The following SP140L variants were observed in gnomAD, a reference collection of about 807,000 sequenced individuals.
The protein encoded by SP140L is nuclear body protein SP140-like protein.
A neutral mutation model predicts 84.3 loss-of-function variants in SP140L; 64 were observed. The observed-to-expected ratio is 0.76, with a 90% CI of 0.62 to 0.94. The LOEUF (loss-of-function observed/expected upper bound fraction) is 0.94. SP140L is among the 40% of genes least tolerant of loss of function. The probability of loss-of-function intolerance (pLI) is 0.00; values close to 1 mark genes in which losing one functional copy is unlikely to be tolerated. For missense variants in SP140L, 628 were observed against 692.5 expected (o/e 0.91, Z 1.05); for synonymous variants, 242 against 236.9 (o/e 1.02, Z -0.20).
intron 7 of SP140L, among the ~76,000 whole-genome samples, chr2:230,376,778 A>C (rs1820551): frequency 0.23 from 34,997 of 152,184 alleles, 4,272 homozygotes; most frequent in Non-Finnish European, 0.28. Flanking sequence ...ATCTTGAAAA[A>C]AAGGAACAAA....
intron 4 of SP140L, 64 bp downstream of exon 4, chr2:230,359,196 T>A (rs1318531070): frequency 5.6e-6 from 8 of 1,420,094 alleles, no homozygotes; most frequent in Middle Eastern, 1.8e-4. Flanking sequence ...AGCATATGTT[T>A]GAGCTCCTAC....
At chr2:230,346,984 G>A (rs930485097) in intron 2 of SP140L, among the ~76,000 whole-genome samples, 6 of 152,042 alleles carry the variant, frequency 3.9e-5, no homozygotes, top group African/African-American at 1.4e-4. Flanking sequence ...CTGTACATTT[G>A]AGGAAGAAGT....
chr2:230,388,742 A>G (rs1421855691), intron 10 of SP140L, 109 bp downstream of exon 10: 1 of 880,568 alleles, frequency 1.1e-6, no homozygotes, highest in Non-Finnish European at 1.6e-6. Context: ...TTATGAAGCT[A>G]TACTAACTAT....
chr2:230,391,738 G>T (rs545861178), intron 11 of SP140L: 16 of 224,180 alleles, frequency 7.1e-5, no homozygotes, highest in Non-Finnish European at 1.2e-4. Flanking sequence ...CTCAGGCCTG[G>T]TCTCTACTCC....
At chr2:230,328,631 A>G (rs893094267) in intron 1 of SP140L, 126 bp from the exon 2 acceptor site, 20 of 1,224,048 alleles carry the variant, frequency 1.6e-5, no homozygotes, top group Non-Finnish European at 2.1e-5. Context: ...TAATGATTAT[A>G]TATTTCTCTT....
chr2:230,393,604 T>G (rs2061919894), intron 13 of SP140L, 143 bp downstream of exon 13: 1 of 1,023,382 alleles, frequency 9.8e-7, no homozygotes, highest in Non-Finnish European at 1.3e-6. Flanking sequence ...TTTTTTAATA[T>G]ACACTTTCAG....
chr2:230,345,607 T>C (rs1441203567), intron 2 of SP140L, among the ~76,000 whole-genome samples: 1 of 151,998 alleles, frequency 6.6e-6, no homozygotes, highest in Non-Finnish European at 1.5e-5. Flanking sequence ...TTTCTTTTTT[T>C]CTTGTGGCAT....
At chr2:230,397,485 T>A (rs1469697359) in intron 14 of SP140L, among the ~76,000 whole-genome samples, 1 of 152,124 alleles carries the variant, frequency 6.6e-6, no homozygotes, top group Admixed American at 6.5e-5. Flanking sequence ...TATGCAAACT[T>A]TCTGATCCCC....
In SP140L at chr2:230,396,738, C is replaced by T. The variant is rs763224164; in HGVS notation, c.1156-19C>T. ...AATGCATTCAATATCATAAATCAATCTTTCTGTTTTTTCAACAGAGAATAC... is the reference window on the plus strand; with the variant it reads ...AATGCATTCAATATCATAAATCAATTTTTCTGTTTTTTCAACAGAGAATAC... On this transcript the variant is annotated intron_variant, in intron 13 of 18. Transcript: ENST00000415673. The T allele has an allele frequency of 6.2e-7, 1 of 1,612,466 alleles. No homozygotes were observed. The highest frequency in any genetic ancestry group is 8.5e-7 in the Non-Finnish European group (1 of 1,178,878).
chr2:230,368,749 A>AT (rs1290415186), intron 5 of SP140L, among the ~76,000 whole-genome samples: 4 of 151,538 alleles, frequency 2.6e-5, no homozygotes, highest in Non-Finnish European at 5.9e-5. Flanking sequence ...TCTTTGTTGC[A>AT]TTTTTTCATT....
At position 230,327,603 on chromosome 2, in the gene SP140L, GTTA is replaced by G. The variant is rs552138305; in HGVS notation, c.32+308_32+310del. Among the ~76,000 whole-genome samples the G allele has an allele frequency of 4.0e-4, 61 of 152,234 alleles. No homozygotes were observed. In the East Asian group the frequency reaches 9.5e-3, roughly 24 times the overall value. On this transcript the variant is annotated intron_variant, in intron 1 of 18. Coordinates refer to ENST00000415673, the MANE Select transcript of SP140L (RefSeq NM_138402.6). ...TCGTTTCAGTCATTTGTGACTGAGAGTTATTATTTCCTCATGAGAATGAGGAAC... is the reference window on the plus strand; with the variant it reads ...TCGTTTCAGTCATTTGTGACTGAGAGTTATTTCCTCATGAGAATGAGGAAC...
intron 14 of SP140L, among the ~76,000 whole-genome samples, chr2:230,399,537 A>G (rs2062213810): frequency 1.3e-5 from 2 of 152,276 alleles, no homozygotes; most frequent in African/African-American, 4.8e-5. Flanking sequence ...AGAGCCGAAG[A>G]GCTCTGTGCT....
chr2:230,391,150 T>G (rs971337046), intron 11 of SP140L, among the ~76,000 whole-genome samples: 12 of 152,240 alleles, frequency 7.9e-5, no homozygotes, highest in African/African-American at 2.9e-4. Context: ...ATTTTCACTC[T>G]TTGGCTGTTA....
chr2:230,347,957 ACTT>A (rs1270582562), intron 2 of SP140L, among the ~76,000 whole-genome samples: 1 of 152,204 alleles, frequency 6.6e-6, no homozygotes, highest in Non-Finnish European at 1.5e-5. Context: ...CCCTGCCCTC[ACTT>A]CTTCATTTCT....
intron 2 of SP140L, among the ~76,000 whole-genome samples, chr2:230,338,877 G>A (rs2059952449): frequency 7.0e-6 from 1 of 143,144 alleles, no homozygotes; most frequent in South Asian, 2.2e-4. Context: ...GCTTTTTGAT[G>A]TGCTGCTGGA....
At chr2:230,331,362 G>T (rs192053400) in intron 2 of SP140L, among the ~76,000 whole-genome samples, 1 of 152,166 alleles carries the variant, frequency 6.6e-6, no homozygotes, top group South Asian at 2.1e-4. Context: ...TCAGGCATCC[G>T]CTGGGGATCT....
chr2:230,360,851 T>G (rs1184370133), intron 4 of SP140L, among the ~76,000 whole-genome samples: 1 of 152,230 alleles, frequency 6.6e-6, no homozygotes, highest in Admixed American at 6.5e-5. Context: ...TATGTTTATC[T>G]GGGAACTGTT....
At chr2:230,368,360 G>T (rs776883373) in intron 5 of SP140L, among the ~76,000 whole-genome samples, 3 of 152,018 alleles carry the variant, frequency 2.0e-5, no homozygotes, top group African/African-American at 4.8e-5. Flanking sequence ...TGAAACTCCC[G>T]TATATGTTAT....
At chr2:230,378,582 T>C (rs1004831953) in intron 7 of SP140L, among the ~76,000 whole-genome samples, 1 of 152,204 alleles carries the variant, frequency 6.6e-6, no homozygotes, top group Non-Finnish European at 1.5e-5. Context: ...TCTGGAAATA[T>C]CGATGTCTGC....
Sources: gnomAD v4.1 joint callset for allele counts (sites outside exome capture counted in the v4.1 genomes callset) on GRCh38, gnomAD v4.1.1 for gene constraint, MANE v1.5 for transcripts, NCBI Gene and HGNC (gene_info 2026-07-23, HGNC 2026-07-21) for gene names.